Variants in ZFAND4 observed in about 807,000 individuals in gnomAD.
ZFAND4 encodes zinc finger AN1-type containing 4, also known as AN1-type zinc finger protein 4.
Under a neutral mutation model 64.4 loss-of-function variants are expected in ZFAND4, and 43 were observed. That is an observed-to-expected ratio of 0.67 (90% CI 0.52 to 0.86). The LOEUF (loss-of-function observed/expected upper bound fraction) is 0.86, where lower values mean the gene tolerates loss of function less well. Among genes scored for constraint, ZFAND4 ranks in the 40% least tolerant of loss-of-function variants. The pLI is 0.00. For synonymous variants in ZFAND4, 296 were observed against 305.7 expected, an observed-to-expected ratio of 0.97 and a Z score of 0.33; for missense variants, 929 against 859.8, an observed-to-expected ratio of 1.08 and a Z score of -1.01.
intron 6 of ZFAND4, among the ~76,000 whole-genome samples, chr10:45,632,803 T>A (rs574733625): frequency 1.3e-5 from 2 of 152,202 alleles, no homozygotes; most frequent in East Asian, 1.9e-4. Context: ...AATATAAACG[T>A]GATTAAGTTA....
At chr10:45,664,774 G>C (rs778082028) in intron 1 of ZFAND4, among the ~76,000 whole-genome samples, 6 of 151,534 alleles carry the variant, frequency 4.0e-5, no homozygotes, top group Non-Finnish European at 7.4e-5. Flanking sequence ...AAAAATACAA[G>C]AAAAAAATGA....
At chr10:45,643,828 G>A (rs181946976) in intron 5 of ZFAND4, among the ~76,000 whole-genome samples, 1 of 152,186 alleles carries the variant, frequency 6.6e-6, no homozygotes, top group African/African-American at 2.4e-5. Context: ...GCAAACCATG[G>A]TCATGGGTCA....
In ZFAND4 at chr10:45,653,008, T is replaced by C. The variant is rs1589392156; in HGVS notation, c.236A>G (p.Asn79Ser). The C allele has an allele frequency of 2.5e-6, 4 of 1,612,330 alleles. No homozygotes were observed. Among genetic ancestry groups the C allele is most frequent in the Non-Finnish European group, 3.4e-6 (4 of 1,179,058 alleles). The change falls in exon 3 of 10, where the codon AAT becomes AGT. Residue 79 changes from asparagine (N) to serine (S), a missense_variant. Transcript: ENST00000344646. ...HLIWNNMELE[N>S]DYCLNDYNIS... is the part of the protein sequence containing the mutation. ...CTTGTAATCATTCAAGCAATAATCA[T>C]TTTCAAGTTCCATGTTATTCCAAAT...
intron 1 of ZFAND4, among the ~76,000 whole-genome samples, chr10:45,667,734 G>C (rs928762674): frequency 6.6e-6 from 1 of 152,118 alleles, no homozygotes; most frequent in East Asian, 1.9e-4. Flanking sequence ...CTCCCAAAGA[G>C]CTGGGATTAC....
intron 7 of ZFAND4, among the ~76,000 whole-genome samples, chr10:45,625,039 T>G (rs2045697910): frequency 2.0e-5 from 3 of 151,778 alleles, no homozygotes; most frequent in Admixed American, 6.6e-5. Flanking sequence ...TAGCCAGGCA[T>G]GGTGGCATGT....
At chr10:45,665,809 A>C (rs2048788477) in intron 1 of ZFAND4, among the ~76,000 whole-genome samples, 2 of 152,246 alleles carry the variant, frequency 1.3e-5, no homozygotes. Flanking sequence ...TTTCACATAA[A>C]TAGAATCATA....
intron 8 of ZFAND4, among the ~76,000 whole-genome samples, chr10:45,624,320 T>C (rs1400015398): frequency 6.6e-6 from 1 of 152,228 alleles, no homozygotes; most frequent in East Asian, 1.9e-4. Flanking sequence ...TGTTCATTCT[T>C]CAATAATCTT....
In ZFAND4 at chr10:45,648,379, C is replaced by A; in HGVS notation, c.484G>T (p.Gly162Cys). The change falls in exon 5 of 10, where the codon GGC becomes TGC. Residue 162 changes from glycine to cysteine, a missense_variant. Coordinates refer to ENST00000344646, the MANE Select transcript of ZFAND4 (RefSeq NM_174890.4). ...GAGTCAGATAACGGTGTTAAAGTGC[C>A]ATCTCCCCTATCTACTGCAGGAAAG... is the stretch of plus-strand genomic sequence containing the variant. ...NFFPAVDRGD[G>C]TLTPLSDSSK... 6.2e-7 allele frequency: 1 copy of A among 1,613,870 alleles called. No homozygotes were observed. Among genetic ancestry groups the A allele is most frequent in the East Asian group, 2.2e-5 (1 of 44,842 alleles).
intron 5 of ZFAND4, among the ~76,000 whole-genome samples, chr10:45,642,365 T>C (rs568271075): frequency 4.6e-5 from 7 of 152,108 alleles, no homozygotes; most frequent in Non-Finnish European, 5.9e-5. Flanking sequence ...CCCAGCACTT[T>C]GGGAGGCCGA....
chr10:45,639,899 GC>G lies in ZFAND4; in HGVS notation c.633del (p.Gln212AsnfsTer3). ...EDEETEPSSS[G>X]QQIIENSITM... ...GTTATTGAATTTTCAATTATCTGTT[GC>G]CCAGAAGAAGAAGGCTCAGTTTCTT... is the stretch of plus-strand genomic sequence containing the variant. On this transcript the variant is annotated frameshift_variant, in exon 6 of 10. Transcript: ENST00000344646. LOFTEE classifies it high-confidence loss of function. The G allele has an allele frequency of 6.2e-7, 1 of 1,613,320 alleles. No homozygotes were observed.
rs1020124740 is a variant in ZFAND4 at position 45,651,730 on chromosome 10, T to C, written c.328+236A>G. On this transcript the variant is annotated intron_variant, in intron 4 of 9. Coordinates refer to ENST00000344646, the MANE Select transcript of ZFAND4 (RefSeq NM_174890.4). ...TTCTGTTCCCTATACTGGCAAAAGG[T>C]TTATTTTTAAACCTCTCTGAATTGG... The C allele has an allele frequency of 1.2e-5, 7 of 593,428 alleles. No homozygotes were observed. The African/African-American group carries it at 1.3e-4, about 11-fold the overall frequency. 36.8% of individuals were successfully genotyped at this position (593,428 alleles called of 1,614,324 possible).
intron 6 of ZFAND4, among the ~76,000 whole-genome samples, chr10:45,638,860 T>C (rs2046801687): frequency 6.6e-6 from 1 of 152,206 alleles, no homozygotes; most frequent in Non-Finnish European, 1.5e-5. Context: ...CTCTCTATGA[T>C]TCCATTTATA....
intron 8 of ZFAND4, among the ~76,000 whole-genome samples, chr10:45,622,025 G>A (rs1271506269): frequency 6.6e-6 from 1 of 152,134 alleles, no homozygotes; most frequent in African/African-American, 2.4e-5. Context: ...TGGGTGCAAT[G>A]CAAATTTCCA....
chr10:45,670,669 T>C (rs2049123506), intron 1 of ZFAND4, among the ~76,000 whole-genome samples: 1 of 152,130 alleles, frequency 6.6e-6, no homozygotes, highest in Non-Finnish European at 1.5e-5. Flanking sequence ...TTACACCTTA[T>C]ACAAAAATTA....
rs1589261793 is a variant in ZFAND4, at chr10:45,626,600, T to C, written c.1223A>G (p.Asn408Ser). Residue 408 changes from asparagine (N) to serine (S), a missense_variant, in exon 7 of 10, where the codon AAT becomes AGT. By Grantham distance (46) the Asn-to-Ser change is conservative. Coordinates refer to ENST00000344646, the MANE Select transcript of ZFAND4 (RefSeq NM_174890.4). ...VGSLASFAEG[N>S]ADEQSSGLEG... ...TAAGCCGCTGCTCTGTTCATCAGCA[T>C]TTCCTTCTGCAAATGAAGCCAGTGA... is the stretch of plus-strand genomic sequence containing the variant. 6.2e-7 allele frequency: 1 copy of C among 1,614,214 alleles called. No individual in the cohort carries two copies. The highest frequency in any genetic ancestry group is 8.5e-7 in the Non-Finnish European group (1 of 1,180,044).
Position 45,627,018 on chromosome 10 carries a change from A to C in ZFAND4, c.805T>G (p.Leu269Val). Residue 269 changes from leucine (L) to valine (V), a missense_variant, in exon 7 of 10, where the codon TTA becomes GTA. By Grantham distance (32) the Leu-to-Val change is conservative. Transcript: ENST00000344646. ...TGACCAATGTTGGGGAGGACCCTTA[A>C]CAATCGGTGGCGAGATGGTGCAGTG... ...GSTAPSRHRL[L>V]RVLPNIGQSC... 1 of 1,609,686 alleles carries C rather than the reference A, an allele frequency of 6.2e-7. No homozygotes were observed. Among genetic ancestry groups the C allele is most frequent in the South Asian group, 1.1e-5 (1 of 90,476 alleles).
chr10:45,639,201 A>G (rs760190911), intron 6 of ZFAND4, among the ~76,000 whole-genome samples: 1 of 152,162 alleles, frequency 6.6e-6, no homozygotes, highest in Non-Finnish European at 1.5e-5. Flanking sequence ...ATCTGTAACA[A>G]AAAACATACA....
At chr10:45,635,195 C>CAAAAAAAAAAAAAAAAAAACAAAAAAAAA (rs1173808756) in intron 6 of ZFAND4, among the ~76,000 whole-genome samples, 6 of 27,632 alleles carry the variant, frequency 2.2e-4, no homozygotes, top group African/African-American at 3.4e-4. Context: ...GCCATCTAAG[C>CAAAAAAAAAAAAAAAAAAACAAAAAAAAA]AAAAAAAAAA....
intron 8 of ZFAND4, 136 bp from the exon 9 acceptor site, chr10:45,618,396 T>C: frequency 9.0e-7 from 1 of 1,107,288 alleles, no homozygotes; most frequent in South Asian, 1.5e-5. Flanking sequence ...TATTTTTATA[T>C]CTAAAATTAC....
Sources: allele counts gnomAD v4.1 joint callset (sites outside exome capture counted in the v4.1 genomes callset), GRCh38; gene constraint gnomAD v4.1.1; transcripts MANE v1.5; gene names NCBI Gene and HGNC (gene_info 2026-07-23, HGNC 2026-07-21).